The following CNTNAP5 variants were observed in gnomAD, a reference collection of about 807,000 sequenced individuals.
CNTNAP5 encodes the protein contactin associated protein family member 5, also known as contactin-associated protein-like 5.
CNTNAP5 carries 72 observed loss-of-function variants against 150.2 expected under a neutral mutation model. The observed-to-expected ratio is 0.48, with a 90% CI of 0.40 to 0.58. The LOEUF is 0.58. Among genes scored for constraint, CNTNAP5 ranks in the 20% least tolerant of loss-of-function variants. The pLI is 0.00. For missense variants in CNTNAP5, 1,636 were observed against 1,626.2 expected, an observed-to-expected ratio of 1.01 and a Z score of -0.10; for synonymous variants, 672 against 619.8, an observed-to-expected ratio of 1.08 and a Z score of -1.25.
intron 1 of CNTNAP5, among the ~76,000 whole-genome samples, chr2:124,117,050 T>G: frequency 6.6e-6 from 1 of 152,224 alleles, no homozygotes; most frequent in East Asian, 1.9e-4. Flanking sequence ...CACTCTCCTA[T>G]CCTCCTCTCC....
chr2:124,431,343 A>G (rs1369266975), intron 4 of CNTNAP5, among the ~76,000 whole-genome samples: 2 of 151,968 alleles, frequency 1.3e-5, no homozygotes, highest in Non-Finnish European at 2.9e-5. Context: ...GGAATTCAGT[A>G]CTTGACCCAA....
intron 12 of CNTNAP5, among the ~76,000 whole-genome samples, chr2:124,626,602 G>A (rs1677727792): frequency 6.6e-6 from 1 of 152,158 alleles, no homozygotes; most frequent in South Asian, 2.1e-4. Flanking sequence ...TACACCACCA[G>A]GGCTCTCAGT....
At chr2:124,210,708 A>G (rs1007219040) in intron 1 of CNTNAP5, among the ~76,000 whole-genome samples, 1 of 152,176 alleles carries the variant, frequency 6.6e-6, no homozygotes, top group South Asian at 2.1e-4. Context: ...TCTCTTGCCC[A>G]AAACAGTATT....
At chr2:124,100,032 T>C (rs1279788558) in intron 1 of CNTNAP5, among the ~76,000 whole-genome samples, 1 of 152,102 alleles carries the variant, frequency 6.6e-6, no homozygotes, top group Non-Finnish European at 1.5e-5. Flanking sequence ...TATAAAGAAA[T>C]AACTGAGACT....
intron 3 of CNTNAP5, among the ~76,000 whole-genome samples, chr2:124,384,891 C>T (rs1212864526): frequency 1.3e-5 from 2 of 152,138 alleles, no homozygotes; most frequent in Non-Finnish European, 2.9e-5. Context: ...CCTTTCCCAT[C>T]CACAATTCCA....
intron 6 of CNTNAP5, among the ~76,000 whole-genome samples, chr2:124,464,905 T>A (rs1012353469): frequency 5.3e-5 from 8 of 152,158 alleles, no homozygotes; most frequent in Non-Finnish European, 8.8e-5. Context: ...GCAGTTTGGA[T>A]CCTTTTTTTA....
intron 10 of CNTNAP5, among the ~76,000 whole-genome samples, chr2:124,547,599 C>A (rs1178225165): frequency 1.3e-5 from 2 of 152,164 alleles, no homozygotes; most frequent in African/African-American, 4.8e-5. Context: ...GTATTCATCT[C>A]CCATGGTGTG....
intron 3 of CNTNAP5, among the ~76,000 whole-genome samples, chr2:124,300,433 A>T (rs560775557): frequency 6.6e-6 from 1 of 152,206 alleles, no homozygotes; most frequent in Non-Finnish European, 1.5e-5. Flanking sequence ...AAGCTGATGC[A>T]TTTGGGATGG....
chr2:124,301,601 T>G (rs1039923610), intron 3 of CNTNAP5, among the ~76,000 whole-genome samples: 1 of 152,184 alleles, frequency 6.6e-6, no homozygotes, highest in Admixed American at 6.5e-5. Flanking sequence ...CAGGACACAC[T>G]CATATCCCAT....
chr2:124,198,535 C>G (rs1685644989), intron 1 of CNTNAP5, among the ~76,000 whole-genome samples: 2 of 152,000 alleles, frequency 1.3e-5, no homozygotes. Flanking sequence ...GCAAAGTACC[C>G]AATAGGTAGT....
chr2:124,140,100 C>G (rs546514311), intron 1 of CNTNAP5, among the ~76,000 whole-genome samples: 1 of 151,848 alleles, frequency 6.6e-6, no homozygotes, highest in Non-Finnish European at 1.5e-5. Flanking sequence ...AAACGGCGCA[C>G]CACGAGACTA....
Position 124,461,560 on chromosome 2 carries a change from G to T in CNTNAP5, c.919-13179G>T, listed in dbSNP as rs1693254237. Among the ~76,000 whole-genome samples the T allele has an allele frequency of 2.0e-5, 3 of 150,934 alleles. No individual in the cohort carries two copies. In the South Asian group the frequency reaches 6.4e-4, roughly 32 times the overall value. On this transcript the variant is annotated intron_variant, in intron 6 of 23. Transcript: ENST00000682447. ...GGGGAGGGGGGAGGGATAGCATTAG[G>T]AGATATACCTAATGCTAGATGACGA...
chr2:124,269,332 G>C (rs1392147770), intron 3 of CNTNAP5, among the ~76,000 whole-genome samples: 1 of 152,052 alleles, frequency 6.6e-6, no homozygotes, highest in Non-Finnish European at 1.5e-5. Flanking sequence ...CTTGAGAAGT[G>C]GCCACAGGTC....
chr2:124,903,127 G>A, intron 22 of CNTNAP5, 27 bp downstream of exon 22: 2 of 1,409,470 alleles, frequency 1.4e-6, no homozygotes, highest in Admixed American at 4.5e-5. Context: ...GCACAAGGGA[G>A]CTTCTGTCAC....
intron 20 of CNTNAP5, among the ~76,000 whole-genome samples, chr2:124,866,737 C>A (rs1677640249): frequency 6.6e-6 from 1 of 152,082 alleles, no homozygotes; most frequent in Admixed American, 6.5e-5. Context: ...GAGTCCAGAT[C>A]ATCCCCTTTA....
intron 19 of CNTNAP5, among the ~76,000 whole-genome samples, chr2:124,818,882 A>G (rs1682425981): frequency 6.6e-6 from 1 of 152,158 alleles, no homozygotes; most frequent in Non-Finnish European, 1.5e-5. Flanking sequence ...GGCCTGGCTC[A>G]TCGACCTTCT....
chr2:124,409,758 A>G (rs1691693593), intron 3 of CNTNAP5, among the ~76,000 whole-genome samples: 1 of 151,686 alleles, frequency 6.6e-6, no homozygotes, highest in South Asian at 2.1e-4. Flanking sequence ...AACCGGTACC[A>G]GCCGCTGCAA....
intron 1 of CNTNAP5, among the ~76,000 whole-genome samples, chr2:124,218,929 A>C (rs1182659503): frequency 1.3e-5 from 2 of 152,186 alleles, no homozygotes; most frequent in African/African-American, 4.8e-5. Context: ...CTTGAGGTCT[A>C]GACTTTATTT....
intron 3 of CNTNAP5, among the ~76,000 whole-genome samples, chr2:124,338,767 C>T (rs1198429745): frequency 6.6e-6 from 1 of 152,084 alleles, no homozygotes; most frequent in Non-Finnish European, 1.5e-5. Context: ...TCTGAGGCAG[C>T]TTCTGAGACC....
Sources: allele counts gnomAD v4.1 joint callset (sites outside exome capture counted in the v4.1 genomes callset), GRCh38; gene constraint gnomAD v4.1.1; transcripts MANE v1.5; gene names NCBI Gene and HGNC (gene_info 2026-07-23, HGNC 2026-07-21).